SLC8A3: variants seen among roughly 807,000 people sequenced by gnomAD.
SLC8A3 encodes solute carrier family 8 member A3.
In SLC8A3, 37 loss-of-function variants were observed where a neutral mutation model predicts 65.4. The ratio of observed to expected loss-of-function variants is 0.57; its 90% CI spans 0.44 to 0.74. The LOEUF is 0.74. Among genes scored for constraint, SLC8A3 ranks in the 30% least tolerant of loss-of-function variants. The pLI, the probability that SLC8A3 is intolerant of heterozygous loss-of-function variation, is 0.00. For missense variants in SLC8A3, 1,112 were observed against 1,172.1 expected, an observed-to-expected ratio of 0.95 and a Z score of 0.75; for synonymous variants, 461 against 444.5, an observed-to-expected ratio of 1.04 and a Z score of -0.47.
At chr14:70,071,400 G>A (rs1890000999) in intron 2 of SLC8A3, among the ~76,000 whole-genome samples, 1 of 152,206 alleles carries the variant, frequency 6.6e-6, no homozygotes, top group Non-Finnish European at 1.5e-5. Flanking sequence ...TAAAGAAGAA[G>A]GGAAAGCCAG....
chr14:70,164,087 G>A (rs1004209276), intron 2 of SLC8A3, among the ~76,000 whole-genome samples: 1 of 152,102 alleles, frequency 6.6e-6, no homozygotes, highest in African/African-American at 2.4e-5. Flanking sequence ...CTTGTTTCCT[G>A]AGCATATACC....
chr14:70,149,160 T>A (rs1376020634), intron 2 of SLC8A3, among the ~76,000 whole-genome samples: 1 of 152,222 alleles, frequency 6.6e-6, no homozygotes, highest in Non-Finnish European at 1.5e-5. Context: ...CACAGTATTG[T>A]TTGGCACTTC....
At chr14:70,082,971 A>T (rs762063935) in intron 2 of SLC8A3, among the ~76,000 whole-genome samples, 10 of 152,072 alleles carry the variant, frequency 6.6e-5, no homozygotes, top group Non-Finnish European at 1.5e-4. Context: ...TCAAGGAGGG[A>T]CAGGTAGGGA....
rs1322104690 is a variant in SLC8A3 at position 70,044,784 on chromosome 14, C to T, written c.*1163G>A. The T allele has an allele frequency of 2.0e-5, 3 of 152,178 alleles. No individual in the cohort carries two copies. The highest frequency in any genetic ancestry group is 4.8e-5 in the African/African-American group (2 of 41,438). 9.4% of individuals were successfully genotyped at this position (152,178 alleles called of 1,614,324 possible). On this transcript the variant is annotated 3_prime_UTR_variant, in exon 7 of 7. Coordinates refer to ENST00000356921, the MANE Select transcript of SLC8A3 (RefSeq NM_182932.3). ...TTATAAAATCTCTAAGTTTTTACACCACTTCAAGAAATATAGTCAGCCCTC... is the reference window on the plus strand; with the variant it reads ...TTATAAAATCTCTAAGTTTTTACACTACTTCAAGAAATATAGTCAGCCCTC...
intron 3 of SLC8A3, among the ~76,000 whole-genome samples, chr14:70,054,439 T>C (rs948098442): frequency 2.6e-5 from 4 of 152,018 alleles, no homozygotes; most frequent in African/African-American, 9.7e-5. Flanking sequence ...TTAGCTTCTA[T>C]TGATGTTTGC....
At position 70,046,094 on chromosome 14, in the gene SLC8A3, G is replaced by A; in HGVS notation, c.2619C>T (p.Leu873=). 6.2e-7 allele frequency: 1 copy of A among 1,614,204 alleles called. No individual in the cohort carries two copies. Among genetic ancestry groups the A allele is most frequent in the Non-Finnish European group, 8.5e-7 (1 of 1,180,022 alleles). The change falls in exon 7 of 7, where the codon CTC becomes CTT. Residue 873 remains leucine (L), a synonymous_variant. Coordinates refer to ENST00000356921, the MANE Select transcript of SLC8A3 (RefSeq NM_182932.3). The surrounding 1 kb of genome is among the most constrained non-coding windows in gnomAD (Gnocchi z 4.2). Reference sequence around the variant, plus strand: ...CCAGGTGCGGCCGCCTTCGGTACAAGAGCACGCTGATGCAGACAAATGCAA... The same window carrying A: ...CCAGGTGCGGCCGCCTTCGGTACAAAAGCACGCTGATGCAGACAAATGCAA... ...TIFAFVCISV[L]LYRRRPHLGG...
chr14:70,174,250 A>G (rs2140405254), intron 1 of SLC8A3, among the ~76,000 whole-genome samples: 1 of 152,374 alleles, frequency 6.6e-6, no homozygotes, highest in African/African-American at 2.4e-5. Context: ...TGGAAGCTCT[A>G]CATACAGGCA....
intron 2 of SLC8A3, among the ~76,000 whole-genome samples, chr14:70,130,816 T>C (rs1894777182): frequency 6.6e-6 from 1 of 152,234 alleles, no homozygotes; most frequent in Admixed American, 6.5e-5. Flanking sequence ...AAAAAGAGCA[T>C]TGCTTTCTGC....
At chr14:70,138,676 C>T (rs183514021) in intron 2 of SLC8A3, among the ~76,000 whole-genome samples, 17 of 152,308 alleles carry the variant, frequency 1.1e-4, no homozygotes, top group Non-Finnish European at 2.9e-5. Flanking sequence ...GTTTGGAGTT[C>T]AGAAAAGATG....
At chr14:70,145,412 T>C (rs1229998564) in intron 2 of SLC8A3, among the ~76,000 whole-genome samples, 3 of 152,224 alleles carry the variant, frequency 2.0e-5, no homozygotes, top group East Asian at 3.9e-4. Flanking sequence ...CTGGGTTTGG[T>C]TGGTGCCTGC....
At chr14:70,153,946 G>T (rs1896426388) in intron 2 of SLC8A3, among the ~76,000 whole-genome samples, 1 of 152,238 alleles carries the variant, frequency 6.6e-6, no homozygotes, top group South Asian at 2.1e-4. Flanking sequence ...TCATCTGTCG[G>T]TAGTTGCTGG....
At chr14:70,176,524 C>A (rs1897919670) in intron 1 of SLC8A3, among the ~76,000 whole-genome samples, 1 of 152,196 alleles carries the variant, frequency 6.6e-6, no homozygotes, top group African/African-American at 2.4e-5. Context: ...AGAGAAGGAA[C>A]CTCACCTGAC....
At chr14:70,105,860 C>A (rs1026749096) in intron 2 of SLC8A3, among the ~76,000 whole-genome samples, 1 of 152,080 alleles carries the variant, frequency 6.6e-6, no homozygotes, top group African/African-American at 2.4e-5. Flanking sequence ...TCAGATTGAA[C>A]CCAGAAGCAT....
At chr14:70,136,929 C>T (rs922748039) in intron 2 of SLC8A3, among the ~76,000 whole-genome samples, 3 of 152,148 alleles carry the variant, frequency 2.0e-5, no homozygotes, top group Non-Finnish European at 4.4e-5. Context: ...ATGCATGCTA[C>T]TTTTAAGGCC....
intron 2 of SLC8A3, among the ~76,000 whole-genome samples, chr14:70,147,287 C>T (rs892819179): frequency 6.6e-6 from 1 of 152,140 alleles, no homozygotes; most frequent in Non-Finnish European, 1.5e-5. Flanking sequence ...TTTGTCATAG[C>T]CTTATATGGC....
chr14:70,046,107 C>T lies in SLC8A3; in HGVS notation c.2606G>A (p.Cys869Tyr). Residue 869 changes from cysteine (C) to tyrosine (Y), a missense_variant, in exon 7 of 7, where the codon TGC becomes TAC. By Grantham distance (194) the Cys-to-Tyr change is radical. Coordinates refer to ENST00000356921, the MANE Select transcript of SLC8A3 (RefSeq NM_182932.3). The surrounding 1 kb of genome is among the most constrained non-coding windows in gnomAD (Gnocchi z 4.2). ...VTLFTIFAFV[C>Y]ISVLLYRRRP... is the part of the protein sequence containing the mutation. ...CCTTCGGTACAAGAGCACGCTGATG[C>T]AGACAAATGCAAAGATGGTGAAGAG... 6.2e-7 allele frequency: 1 copy of T among 1,614,198 alleles called. No homozygotes were observed. The highest frequency in any genetic ancestry group is 1.6e-4 in the Middle Eastern group (1 of 6,062).
rs531071530 is a variant in SLC8A3 at position 70,157,390 on chromosome 14, G to A, written c.1784+9249C>T. On this transcript the variant is annotated intron_variant, in intron 2 of 6. Transcript: ENST00000356921. Reference sequence around the variant, plus strand: ...GACAGACCAGATGGGGAGGGGAAGAGGGTGGGAGAAGGGGGCACTTGACAC... The same window carrying A: ...GACAGACCAGATGGGGAGGGGAAGAAGGTGGGAGAAGGGGGCACTTGACAC... 2.6e-5 allele frequency among the ~76,000 whole-genome samples: 4 copies of A among 152,320 alleles called. No individual in the cohort carries two copies. In the East Asian group the frequency reaches 7.7e-4, roughly 29 times the overall value.
chr14:70,150,837 A>G (rs1046271061), intron 2 of SLC8A3, among the ~76,000 whole-genome samples: 2 of 152,218 alleles, frequency 1.3e-5, no homozygotes, highest in African/African-American at 4.8e-5. Flanking sequence ...AATGACTCTT[A>G]ACTATACAGT....
chr14:70,095,086 C>T (rs373358864), intron 2 of SLC8A3, among the ~76,000 whole-genome samples: 14 of 151,630 alleles, frequency 9.2e-5, no homozygotes, highest in African/African-American at 2.7e-4. Context: ...CTCATAGAGA[C>T]GTTGTGAGGT....
Sources: gnomAD v4.1 joint callset for allele counts (sites outside exome capture counted in the v4.1 genomes callset) on GRCh38, gnomAD v4.1.1 for gene constraint, Gnocchi (gnomAD v3.1) non-coding constraint, MANE v1.5 for transcripts, NCBI Gene and HGNC (gene_info 2026-07-23, HGNC 2026-07-21) for gene names.